Variants in FHL5 observed in about 807,000 individuals in gnomAD.
FHL5 encodes four and a half LIM domains protein 5.
In FHL5, 33 loss-of-function variants were observed where a neutral mutation model predicts 32.0. That is an observed-to-expected ratio of 1.03 (90% CI 0.78 to 1.38). The LOEUF is 1.38. Among genes scored for constraint, FHL5 ranks in the 40% most tolerant of loss-of-function variants. FHL5 has a pLI of 0.00. For missense variants in FHL5, 336 were observed against 343.9 expected (o/e 0.98, Z 0.18); for synonymous variants, 114 against 113.6 (o/e 1.00, Z -0.02).
At chr6:96,602,431 T>C (rs1158007700) in intron 1 of FHL5, among the ~76,000 whole-genome samples, 11 of 58,158 alleles carry the variant, frequency 1.9e-4, no homozygotes, top group African/African-American at 8.4e-4. Context: ...TGTTTCTTTT[T>C]TTTTTTTTTT....
intron 1 of FHL5, among the ~76,000 whole-genome samples, chr6:96,565,636 C>T (rs1180375668): frequency 6.6e-6 from 1 of 152,088 alleles, no homozygotes; most frequent in Non-Finnish European, 1.5e-5. Context: ...AGGTTGTCTC[C>T]TCCCATTTAA....
chr6:96,587,416 C>T (rs993960341), intron 1 of FHL5, among the ~76,000 whole-genome samples: 1 of 152,090 alleles, frequency 6.6e-6, no homozygotes, highest in Non-Finnish European at 1.5e-5. Context: ...TGGTTAAATT[C>T]CCAGGATCCT....
intron 5 of FHL5, among the ~76,000 whole-genome samples, chr6:96,612,488 G>C (rs971628029): frequency 1.2e-4 from 19 of 152,148 alleles, no homozygotes; most frequent in Non-Finnish European, 4.4e-5. Flanking sequence ...CCCTGAACTT[G>C]AGTTTCAATT....
chr6:96,576,818 T>C (rs1770593431), intron 1 of FHL5, among the ~76,000 whole-genome samples: 1 of 152,248 alleles, frequency 6.6e-6, no homozygotes, highest in African/African-American at 2.4e-5. Flanking sequence ...TGGCATGCCT[T>C]AAGAATTCAC....
At chr6:96,577,028 A>G (rs544777486) in intron 1 of FHL5, among the ~76,000 whole-genome samples, 2 of 152,316 alleles carry the variant, frequency 1.3e-5, no homozygotes, top group South Asian at 2.1e-4. Context: ...GAAAGCTCCA[A>G]GTATTTTGGC....
chr6:96,571,573 C>T (rs1476351917), intron 1 of FHL5, among the ~76,000 whole-genome samples: 1 of 152,120 alleles, frequency 6.6e-6, no homozygotes, highest in Non-Finnish European at 1.5e-5. Flanking sequence ...AGCTTCACCC[C>T]TTGTGGCAGG....
chr6:96,610,630 T>C lies in FHL5; in HGVS notation c.563T>C (p.Leu188Pro). The change falls in exon 5 of 6, where the codon CTG (leucine) becomes CCG (proline). Residue 188 changes from leucine to proline, a missense_variant. Transcript: ENST00000450218. ...CDQLWHKECFLCSGCRKDLCE... is the reference protein window; with the variant it reads ...CDQLWHKECFPCSGCRKDLCE... ...CAGCTATGGCATAAAGAGTGTTTTCTGTGTAGTGGCTGTAGGAAAGATCTC... is the reference window on the plus strand; with the variant it reads ...CAGCTATGGCATAAAGAGTGTTTTCCGTGTAGTGGCTGTAGGAAAGATCTC... 6.2e-7 allele frequency: 1 copy of C among 1,613,976 alleles called. No homozygotes were observed. Among genetic ancestry groups the C allele is most frequent in the Non-Finnish European group, 8.5e-7 (1 of 1,179,842 alleles).
At chr6:96,600,399 T>C (rs1205237176) in intron 1 of FHL5, among the ~76,000 whole-genome samples, 2 of 152,206 alleles carry the variant, frequency 1.3e-5, no homozygotes, top group African/African-American at 2.4e-5. Flanking sequence ...TGAGCTCCTA[T>C]GCCATTCTCT....
chr6:96,595,623 A>G (rs182811766), intron 1 of FHL5, among the ~76,000 whole-genome samples: 1 of 151,522 alleles, frequency 6.6e-6, no homozygotes, highest in East Asian at 1.9e-4. Flanking sequence ...TATATTTTCT[A>G]TCTCTTTTTC....
At chr6:96,570,932 C>T (rs900153145) in intron 1 of FHL5, among the ~76,000 whole-genome samples, 3 of 151,478 alleles carry the variant, frequency 2.0e-5, no homozygotes, top group African/African-American at 4.8e-5. Flanking sequence ...ATCTGTGTTT[C>T]CTTGTATCTA....
At chr6:96,562,750 G>A (rs973577259), upstream of FHL5, 1 of 152,094 alleles carries the variant, frequency 6.6e-6, no homozygotes, top group Non-Finnish European at 1.5e-5. Flanking sequence ...TCCCTTTCCA[G>A]ATGGCCTCAA....
intron 1 of FHL5, among the ~76,000 whole-genome samples, chr6:96,588,338 C>T (rs1274133143): frequency 6.6e-6 from 1 of 152,042 alleles, no homozygotes; most frequent in African/African-American, 2.4e-5. Flanking sequence ...AGCCTCCCAA[C>T]TGGCTGGGAT....
chr6:96,605,899 C>G lies in FHL5; in HGVS notation c.335-3C>G. ...CTAACATGGCCTTACTTTTGGAGTACAGGTTCCCGCAAAATGGAATTTAAG... is the reference window on the plus strand; with the variant it reads ...CTAACATGGCCTTACTTTTGGAGTAGAGGTTCCCGCAAAATGGAATTTAAG... On this transcript the variant is annotated splice_polypyrimidine_tract_variant and splice_region_variant and intron_variant, in intron 3 of 5. Transcript: ENST00000450218. 6.2e-7 allele frequency: 1 copy of G among 1,613,596 alleles called. No homozygotes were observed. The highest frequency in any genetic ancestry group is 8.5e-7 in the Non-Finnish European group (1 of 1,179,694).
chr6:96,579,271 A>G (rs1379537394), intron 1 of FHL5, among the ~76,000 whole-genome samples: 2 of 152,078 alleles, frequency 1.3e-5, no homozygotes, highest in Non-Finnish European at 2.9e-5. Context: ...GTCTCTTGGT[A>G]TTTTTACTTT....
intron 1 of FHL5, among the ~76,000 whole-genome samples, chr6:96,593,775 T>C (rs1770970412): frequency 1.3e-5 from 2 of 152,232 alleles, no homozygotes; most frequent in South Asian, 4.1e-4. Flanking sequence ...TCTCCTTCCT[T>C]TGGACTTTGC....
At chr6:96,597,768 C>T (rs1163915269) in intron 1 of FHL5, among the ~76,000 whole-genome samples, 2 of 152,174 alleles carry the variant, frequency 1.3e-5, no homozygotes, top group Non-Finnish European at 2.9e-5. Flanking sequence ...AGTTCTGCTG[C>T]TGCATCTAAA....
At chr6:96,614,891 G>A (rs1295885697) in intron 5 of FHL5, among the ~76,000 whole-genome samples, 1 of 152,208 alleles carries the variant, frequency 6.6e-6, no homozygotes, top group East Asian at 1.9e-4. Context: ...GGAGGAGGCT[G>A]ACAAAGCTCT....
intron 1 of FHL5, among the ~76,000 whole-genome samples, chr6:96,594,230 TATATATATA>T (rs1562059576): frequency 1.1e-4 from 1 of 9,362 alleles, no homozygotes; most frequent in Non-Finnish European, 2.9e-4. Flanking sequence ...TTAGAATTTA[TATATATATA>T]TATATATATA....
chr6:96,590,237 T>A (rs1770886227), intron 1 of FHL5, among the ~76,000 whole-genome samples: 1 of 152,004 alleles, frequency 6.6e-6, no homozygotes, highest in African/African-American at 2.4e-5. Context: ...GAAGGGGAAA[T>A]AATACCTTCA....
Sources: allele counts gnomAD v4.1 joint callset (sites outside exome capture counted in the v4.1 genomes callset), GRCh38; gene constraint gnomAD v4.1.1; transcripts MANE v1.5; gene names NCBI Gene and HGNC (gene_info 2026-07-23, HGNC 2026-07-21).